The following LMX1B variants were observed in gnomAD, a reference collection of about 807,000 sequenced individuals.
The protein encoded by LMX1B is LIM homeobox transcription factor 1-beta.
LMX1B carries 12 observed loss-of-function variants against 51.4 expected under a neutral mutation model. The observed-to-expected ratio is 0.23, with a 90% CI of 0.15 to 0.38. The LOEUF is 0.38. LMX1B is among the 10% of genes least tolerant of loss of function. The pLI is 1.00. For missense variants in LMX1B, 445 were observed against 571.1 expected (o/e 0.78, Z 2.25); for synonymous variants, 237 against 235.4 (o/e 1.01, Z -0.06).
At chr9:126,651,538 C>A (rs905230346) in intron 2 of LMX1B, among the ~76,000 whole-genome samples, 2 of 152,098 alleles carry the variant, frequency 1.3e-5, no homozygotes, top group Non-Finnish European at 2.9e-5. Context: ...CTTCTCCCCC[C>A]CTCCCAACAA....
chr9:126,660,673 G>A (rs746638706), intron 2 of LMX1B, among the ~76,000 whole-genome samples: 17 of 152,144 alleles, frequency 1.1e-4, no homozygotes, highest in Non-Finnish European at 2.2e-4. Context: ...AGAAGAGCTT[G>A]GAATCCATGT....
At chr9:126,639,396 G>C (rs1835769205) in intron 2 of LMX1B, among the ~76,000 whole-genome samples, 1 of 152,196 alleles carries the variant, frequency 6.6e-6, no homozygotes. Flanking sequence ...CAGGGGCCTC[G>C]AACAAAGCCG....
At chr9:126,631,068 G>A (rs1835624528) in intron 2 of LMX1B, among the ~76,000 whole-genome samples, 1 of 152,256 alleles carries the variant, frequency 6.6e-6, no homozygotes, top group African/African-American at 2.4e-5. Context: ...TGGAGCCAAA[G>A]GGGCGGGCAG....
At chr9:126,688,407 C>T (rs1359186068) in intron 2 of LMX1B, among the ~76,000 whole-genome samples, 5 of 152,186 alleles carry the variant, frequency 3.3e-5, no homozygotes. Flanking sequence ...GGGACCGTGG[C>T]GCTCCCACGC....
At chr9:126,687,927 A>C (rs970570048) in intron 2 of LMX1B, among the ~76,000 whole-genome samples, 3 of 151,964 alleles carry the variant, frequency 2.0e-5, no homozygotes, top group African/African-American at 7.3e-5. Context: ...GGTATCCCCA[A>C]CCCCTCCCAT....
At position 126,614,360 on chromosome 9, in the gene LMX1B, C is replaced by T. The variant is rs1399900735; in HGVS notation, c.-90C>T. ...CTGCCCTGCGGGGGCCGCGCCTCCCCGGTTCCAGGGCCGCGGCGGCGGAGA... is the reference window on the plus strand; with the variant it reads ...CTGCCCTGCGGGGGCCGCGCCTCCCTGGTTCCAGGGCCGCGGCGGCGGAGA... On this transcript the variant is annotated 5_prime_UTR_variant, in exon 1 of 8. Coordinates refer to ENST00000373474, the MANE Select transcript of LMX1B (RefSeq NM_001174147.2). 7.8e-6 allele frequency: 8 copies of T among 1,024,074 alleles called. No individual in the cohort carries two copies. The highest frequency in any genetic ancestry group is 1.7e-5 in the African/African-American group (1 of 57,636). The allele number at this position is 1,024,074 out of a possible 1,614,324, so 63.4% of individuals were successfully genotyped here. A position where few individuals can be genotyped will look rare whatever the true frequency, so the allele number is the denominator to read the frequency against.
rs72111206 is a variant in LMX1B at position 126,697,838 on chromosome 9, T to TG, written c.*1388dup. ...GTATATGCAGGATGGGGGCACCTAC[T>TG]GTTTTGTTTTGTTTTGTTTTGTTTT... On this transcript the variant is annotated 3_prime_UTR_variant, in exon 8 of 8. Coordinates refer to ENST00000373474, the MANE Select transcript of LMX1B (RefSeq NM_001174147.2). 7.3e-5 allele frequency: 2 copies of TG among 27,308 alleles called. No individual in the cohort carries two copies. The highest frequency in any genetic ancestry group is 1.9e-4 in the Non-Finnish European group (2 of 10,744). 1.7% of individuals were successfully genotyped at this position (27,308 alleles called of 1,614,324 possible).
intron 2 of LMX1B, among the ~76,000 whole-genome samples, chr9:126,661,759 T>C (rs1326352418): frequency 6.6e-6 from 1 of 152,054 alleles, no homozygotes; most frequent in Non-Finnish European, 1.5e-5. Context: ...GGGCTTGGCC[T>C]GCCCCTCTCT....
chr9:126,627,581 T>C (rs1204652360), intron 2 of LMX1B, among the ~76,000 whole-genome samples: 1 of 152,008 alleles, frequency 6.6e-6, no homozygotes, highest in Non-Finnish European at 1.5e-5. Context: ...CTGCTCCCCT[T>C]CTTTCCCCAG....
chr9:126,618,058 T>C lies in LMX1B; in HGVS notation c.326+2489T>C, dbSNP rs1835336319. On this transcript the variant is annotated intron_variant, in intron 2 of 7. Transcript: ENST00000373474. The surrounding 1 kb of genome is among the most constrained non-coding windows in gnomAD (Gnocchi z 4.5). ...AAAATTTTTTTATTCACATTTCTTT[T>C]TTTCTTTGAGAATTGCAGATGCATA... Among the ~76,000 whole-genome samples the C allele has an allele frequency of 6.6e-6, 1 of 152,202 alleles. No homozygotes were observed. Among genetic ancestry groups the C allele is most frequent in the South Asian group, 2.1e-4 (1 of 4,834 alleles).
chr9:126,619,281 T>TC (rs917527131), intron 2 of LMX1B, among the ~76,000 whole-genome samples: 16 of 152,120 alleles, frequency 1.1e-4, no homozygotes, highest in African/African-American at 3.4e-4. Context: ...GGCTCACCTC[T>TC]CCCCCCACAC....
At chr9:126,675,877 G>A (rs1346012598) in intron 2 of LMX1B, among the ~76,000 whole-genome samples, 9 of 150,792 alleles carry the variant, frequency 6.0e-5, no homozygotes, top group African/African-American at 1.5e-4. Flanking sequence ...GTGAAACCCC[G>A]TCTCTACTAA....
At position 126,626,038 on chromosome 9, in the gene LMX1B, C is replaced by A. The variant is rs546726150; in HGVS notation, c.326+10469C>A. 6.6e-6 allele frequency among the ~76,000 whole-genome samples: 1 copy of A among 152,248 alleles called. No homozygotes were observed. The highest frequency in any genetic ancestry group is 1.5e-5 in the Non-Finnish European group (1 of 68,044). ...TGCCCCCGGGGGCTCCGTTTTGCTC[C>A]CCTCATGGACATGGGGGTGGGGAGC... On this transcript the variant is annotated intron_variant, in intron 2 of 7. Transcript: ENST00000373474. This position sits in a 1 kb window ranked among gnomAD's most constrained non-coding sequence, Gnocchi z 4.3.
intron 2 of LMX1B, among the ~76,000 whole-genome samples, chr9:126,684,062 G>A (rs934067738): frequency 5.3e-5 from 8 of 152,102 alleles, no homozygotes; most frequent in Admixed American, 3.9e-4. Flanking sequence ...GCCTCCATGG[G>A]TGTTTGCTGG....
At chr9:126,683,253 C>A (rs906144524) in intron 2 of LMX1B, among the ~76,000 whole-genome samples, 6 of 151,236 alleles carry the variant, frequency 4.0e-5, no homozygotes, top group African/African-American at 1.5e-4. Flanking sequence ...GCATTCCAGC[C>A]GCGTGATTGA....
At chr9:126,674,870 A>T (rs898824945) in intron 2 of LMX1B, among the ~76,000 whole-genome samples, 1 of 152,202 alleles carries the variant, frequency 6.6e-6, no homozygotes, top group Non-Finnish European at 1.5e-5. Context: ...ATGATCTTTA[A>T]AAAATGTAAA....
chr9:126,693,826 G>T lies in LMX1B; in HGVS notation c.886+14G>T, dbSNP rs762072087. The T allele has an allele frequency of 1.7e-6, 2 of 1,196,120 alleles. No homozygotes were observed. The highest frequency in any genetic ancestry group is 2.5e-4 in the Middle Eastern group (1 of 3,934). 74.1% of individuals were successfully genotyped at this position (1,196,120 alleles called of 1,614,324 possible). A position where few individuals can be genotyped will look rare whatever the true frequency, so the allele number is the denominator to read the frequency against. On this transcript the variant is annotated intron_variant, in intron 6 of 7. Transcript: ENST00000373474. ...GGCTGGGCCAGGGTGAGCCGGGGCC[G>T]GGGCAGGGCCTGGGCCAGGGTGAGC... is the stretch of plus-strand genomic sequence containing the variant.
At chr9:126,632,330 G>A (rs1490879264) in intron 2 of LMX1B, among the ~76,000 whole-genome samples, 1 of 152,154 alleles carries the variant, frequency 6.6e-6, no homozygotes, top group Non-Finnish European at 1.5e-5. Flanking sequence ...CAGCTTGGGA[G>A]GATTTGGGGA....
At chr9:126,614,646 G>C in intron 1 of LMX1B, 58 bp downstream of exon 1, 3 of 1,468,178 alleles carry the variant, frequency 2.0e-6, no homozygotes, top group Non-Finnish European at 1.8e-6. Flanking sequence ...GCGTCGTCCG[G>C]CTGTGGACAC....
Sources: allele counts gnomAD v4.1 joint callset (sites outside exome capture counted in the v4.1 genomes callset), GRCh38; gene constraint gnomAD v4.1.1; non-coding constraint Gnocchi (gnomAD v3.1); transcripts MANE v1.5; gene names NCBI Gene and HGNC (gene_info 2026-07-23, HGNC 2026-07-21).